TANC2: variants seen among roughly 807,000 people sequenced by gnomAD.
The protein encoded by TANC2 is protein TANC2.
In TANC2, 26 loss-of-function variants were observed where a neutral mutation model predicts 210.5. That is an observed-to-expected ratio of 0.12 (90% CI 0.09 to 0.17). The LOEUF is 0.17. Ranked by LOEUF, TANC2 falls within the 10% of genes least tolerant of loss-of-function variation. TANC2 has a pLI of 1.00. For missense variants in TANC2, 2,129 were observed against 2,608.9 expected (o/e 0.82, Z 4.01); for synonymous variants, 931 against 967.1 (o/e 0.96, Z 0.69).
At chr17:63,095,160 G>T (rs2037341139) in intron 3 of TANC2, among the ~76,000 whole-genome samples, 1 of 152,002 alleles carries the variant, frequency 6.6e-6, no homozygotes, top group Admixed American at 6.6e-5. Flanking sequence ...ATGTTAGTGA[G>T]CAGAGAGGTT....
chr17:63,246,677 G>C (rs2042928716), intron 8 of TANC2, among the ~76,000 whole-genome samples: 1 of 152,086 alleles, frequency 6.6e-6, no homozygotes, highest in Non-Finnish European at 1.5e-5. Flanking sequence ...GGATTCCACT[G>C]TATGACTGTA....
At chr17:63,168,780 G>T (rs1272265150) in intron 5 of TANC2, among the ~76,000 whole-genome samples, 1 of 152,152 alleles carries the variant, frequency 6.6e-6, no homozygotes, top group Non-Finnish European at 1.5e-5. Context: ...TGGCAAGGAA[G>T]GATTGGAGAG....
At chr17:63,246,565 A>G (rs921661900) in intron 8 of TANC2, among the ~76,000 whole-genome samples, 4 of 152,136 alleles carry the variant, frequency 2.6e-5, no homozygotes, top group African/African-American at 7.2e-5. Flanking sequence ...ATGGAGTCAT[A>G]TGGTATGTCG....
intron 8 of TANC2, among the ~76,000 whole-genome samples, chr17:63,267,263 C>A (rs1310497464): frequency 6.6e-6 from 1 of 152,092 alleles, no homozygotes; most frequent in Non-Finnish European, 1.5e-5. Flanking sequence ...TTTACTATTT[C>A]TTTTGATAAC....
intron 7 of TANC2, among the ~76,000 whole-genome samples, chr17:63,218,823 G>A (rs1022273465): frequency 5.3e-5 from 8 of 152,118 alleles, no homozygotes; most frequent in African/African-American, 1.9e-4. Flanking sequence ...GAACCCAGGA[G>A]ACAGAGGTTT....
chr17:62,970,585 C>G (rs1239235686), intron 1 of TANC2, among the ~76,000 whole-genome samples: 3 of 152,084 alleles, frequency 2.0e-5, no homozygotes, highest in Non-Finnish European at 2.9e-5. Flanking sequence ...AAGGAGTATA[C>G]TAATCCAGTC....
intron 14 of TANC2, among the ~76,000 whole-genome samples, chr17:63,356,171 CA>C (rs545419417): frequency 2.0e-5 from 3 of 152,144 alleles, no homozygotes; most frequent in Non-Finnish European, 4.4e-5. Context: ...GAATCTTTCT[CA>C]ACTCAAACCA....
At chr17:63,065,421 A>T (rs927791419) in intron 2 of TANC2, among the ~76,000 whole-genome samples, 6 of 152,232 alleles carry the variant, frequency 3.9e-5, no homozygotes, top group Non-Finnish European at 8.8e-5. Context: ...CTTCAGATAT[A>T]TACCCAAAAG....
At chr17:63,196,330 A>ATTTCACCT (rs924006127) in intron 6 of TANC2, among the ~76,000 whole-genome samples, 1 of 152,184 alleles carries the variant, frequency 6.6e-6, no homozygotes, top group Non-Finnish European at 1.5e-5. Context: ...TAAAACATCT[A>ATTTCACCT]TTTCACCTTT....
At chr17:63,348,787 A>G (rs1320007575) in intron 12 of TANC2, among the ~76,000 whole-genome samples, 1 of 152,198 alleles carries the variant, frequency 6.6e-6, no homozygotes. Flanking sequence ...AAATATCTAC[A>G]GAAATTTGAA....
chr17:63,014,156 A>AT (rs542833236), intron 2 of TANC2, among the ~76,000 whole-genome samples: 4 of 151,316 alleles, frequency 2.6e-5, no homozygotes, highest in East Asian at 1.9e-4. Context: ...TGTCTACTGA[A>AT]TTTTTTTTCA....
chr17:63,324,587 A>G (rs2045588597), intron 11 of TANC2, among the ~76,000 whole-genome samples: 1 of 152,230 alleles, frequency 6.6e-6, no homozygotes, highest in Admixed American at 6.5e-5. Context: ...TTTAGTAGAA[A>G]TGAGATCCAA....
At chr17:63,238,134 G>A (rs2042674527) in intron 8 of TANC2, 57 bp downstream of exon 8, 1 of 1,452,422 alleles carries the variant, frequency 6.9e-7, no homozygotes, top group Admixed American at 2.8e-5. Context: ...TTTTACTCCA[G>A]TATATATTGA....
chr17:63,170,988 A>G (rs2040384766), intron 5 of TANC2, among the ~76,000 whole-genome samples: 2 of 151,830 alleles, frequency 1.3e-5, no homozygotes, highest in South Asian at 2.1e-4. Flanking sequence ...GTGTTACTCA[A>G]TCTGTTGGCA....
intron 5 of TANC2, among the ~76,000 whole-genome samples, chr17:63,186,213 A>G (rs1249468356): frequency 1.3e-5 from 2 of 152,136 alleles, no homozygotes; most frequent in African/African-American, 2.4e-5. Flanking sequence ...GATTATATAT[A>G]GAGAGAGATC....
intron 12 of TANC2, among the ~76,000 whole-genome samples, chr17:63,345,175 TTAAAAA>T (rs1281454038): frequency 1.3e-5 from 2 of 152,036 alleles, no homozygotes; most frequent in Non-Finnish European, 2.9e-5. Flanking sequence ...TATATAATAC[TTAAAAA>T]TAAATGTATG....
At chr17:63,220,200 C>T (rs1415786633) in intron 7 of TANC2, among the ~76,000 whole-genome samples, 1 of 151,638 alleles carries the variant, frequency 6.6e-6, no homozygotes, top group African/African-American at 2.4e-5. Context: ...GAGGCTGAGG[C>T]AGGAGAATCG....
chr17:63,292,393 TA>T (rs1177233866), intron 9 of TANC2, among the ~76,000 whole-genome samples: 1 of 152,130 alleles, frequency 6.6e-6, no homozygotes, highest in Admixed American at 6.5e-5. Context: ...TGGGGATGGG[TA>T]AACAGTGTGA....
At chr17:63,110,040 A>C (rs1426081475) in intron 4 of TANC2, among the ~76,000 whole-genome samples, 3 of 151,744 alleles carry the variant, frequency 2.0e-5, no homozygotes, top group Non-Finnish European at 4.4e-5. Context: ...CTTCTGCTCT[A>C]GTAACCATAT....
Sources: gnomAD v4.1 joint callset for allele counts (sites outside exome capture counted in the v4.1 genomes callset) on GRCh38, gnomAD v4.1.1 for gene constraint, MANE v1.5 for transcripts, NCBI Gene and HGNC (gene_info 2026-07-23, HGNC 2026-07-21) for gene names.